The following TMEM232 variants were observed in gnomAD, a reference collection of about 807,000 sequenced individuals.
The protein encoded by TMEM232 is transmembrane protein 232.
TMEM232 carries 80 observed loss-of-function variants against 78.8 expected under a neutral mutation model. The observed-to-expected ratio is 1.01, with a 90% CI of 0.85 to 1.22. TMEM232 has a LOEUF of 1.22. TMEM232 is among the 50% of genes most tolerant of loss of function. The probability of loss-of-function intolerance (pLI) is 0.00; values close to 1 mark genes in which losing one functional copy is unlikely to be tolerated. For missense variants in TMEM232, 881 were observed against 742.2 expected, an observed-to-expected ratio of 1.19 and a Z score of -2.17; for synonymous variants, 297 against 254.3, an observed-to-expected ratio of 1.17 and a Z score of -1.60.
chr5:110,408,707 C>T (rs190837587), intron 2 of TMEM232, among the ~76,000 whole-genome samples: 2 of 151,254 alleles, frequency 1.3e-5, no homozygotes, highest in Admixed American at 6.6e-5. Context: ...AATAGAAGAC[C>T]CAAATAAGTA....
chr5:110,488,728 A>G (rs1764722424), intron 12 of TMEM232, among the ~76,000 whole-genome samples: 1 of 152,004 alleles, frequency 6.6e-6, no homozygotes, highest in African/African-American at 2.4e-5. Context: ...GATAAATAAA[A>G]TAGAAAATAG....
At chr5:110,682,453 G>T (rs1442369376) in intron 1 of TMEM232, among the ~76,000 whole-genome samples, 1 of 151,798 alleles carries the variant, frequency 6.6e-6, no homozygotes, top group African/African-American at 2.4e-5. Flanking sequence ...TTGCTCTAAT[G>T]TTCTTGGCTT....
At chr5:110,486,609 A>C (rs144291607) in intron 12 of TMEM232, among the ~76,000 whole-genome samples, 1,654 of 152,188 alleles carry the variant, frequency 0.011, 21 homozygotes, top group Non-Finnish European at 0.014. Flanking sequence ...TGCTTTGTCA[A>C]AGATCAGTTG....
chr5:110,610,278 G>GAAGGGAGGAA (rs1554057579), intron 8 of TMEM232, among the ~76,000 whole-genome samples: 3 of 146,086 alleles, frequency 2.1e-5, no homozygotes, highest in East Asian at 4.2e-4. Flanking sequence ...AAGGTGGGTG[G>GAAGGGAGGAA]GTGAAGGGAG....
chr5:110,424,677 A>G (rs1757049407), intron 13 of TMEM232, 146 bp downstream of exon 13: 2 of 652,756 alleles, frequency 3.1e-6, no homozygotes, highest in Admixed American at 5.9e-5. Context: ...TAACATAGTG[A>G]GATATAATTC....
At chr5:110,460,288 AGTAAGT>A (rs1025674507) in intron 12 of TMEM232, among the ~76,000 whole-genome samples, 3 of 147,548 alleles carry the variant, frequency 2.0e-5, no homozygotes, top group African/African-American at 8.0e-5. Flanking sequence ...AAAATGTATA[AGTAAGT>A]GTGTGTGTGT....
intron 12 of TMEM232, among the ~76,000 whole-genome samples, chr5:110,512,430 A>G (rs762222937): frequency 6.6e-6 from 1 of 152,144 alleles, no homozygotes; most frequent in South Asian, 2.1e-4. Flanking sequence ...ATTTTTCTTT[A>G]TATTCCCAGA....
chr5:110,541,533 C>T (rs971153540), intron 11 of TMEM232, among the ~76,000 whole-genome samples: 1 of 151,980 alleles, frequency 6.6e-6, no homozygotes, highest in African/African-American at 2.4e-5. Context: ...CCTTTATCTC[C>T]CAAATGACTC....
At chr5:110,713,390 A>T (rs1358720695) in intron 1 of TMEM232, among the ~76,000 whole-genome samples, 1 of 152,166 alleles carries the variant, frequency 6.6e-6, no homozygotes, top group Non-Finnish European at 1.5e-5. Context: ...ATTTAAAAAT[A>T]ACTAAAGGAG....
At chr5:110,620,828 T>C (rs1783638067) in intron 7 of TMEM232, among the ~76,000 whole-genome samples, 1 of 150,986 alleles carries the variant, frequency 6.6e-6, no homozygotes, top group Non-Finnish European at 1.5e-5. Flanking sequence ...GCTTATTAGT[T>C]AGTCTCAGGA....
chr5:110,540,431 C>T (rs1038796888), intron 11 of TMEM232, among the ~76,000 whole-genome samples: 1 of 152,196 alleles, frequency 6.6e-6, no homozygotes, highest in Non-Finnish European at 1.5e-5. Flanking sequence ...CCATGCCACA[C>T]TCTTAGAAAA....
chr5:110,422,722 G>A (rs1756803293), intron 13 of TMEM232, among the ~76,000 whole-genome samples: 1 of 151,868 alleles, frequency 6.6e-6, no homozygotes, highest in Non-Finnish European at 1.5e-5. Flanking sequence ...CTTAGAATTT[G>A]GAATGGCTGA....
intron 1 of TMEM232, among the ~76,000 whole-genome samples, chr5:110,716,503 G>T (rs1388118652): frequency 6.6e-6 from 1 of 152,106 alleles, no homozygotes; most frequent in East Asian, 1.9e-4. Context: ...TTCTCATAAG[G>T]AGCTCACAAC....
chr5:110,404,843 G>A (rs1190458562), intron 2 of TMEM232, among the ~76,000 whole-genome samples: 3 of 151,972 alleles, frequency 2.0e-5, no homozygotes, highest in Non-Finnish European at 2.9e-5. Context: ...AGTGGGTGGA[G>A]GTGTAGGCCT....
At chr5:110,458,577 G>C (rs1761147869) in intron 12 of TMEM232, among the ~76,000 whole-genome samples, 1 of 152,080 alleles carries the variant, frequency 6.6e-6, no homozygotes, top group African/African-American at 2.4e-5. Context: ...CTATAATCTA[G>C]GGTGCATTTA....
chr5:110,520,014 G>A (rs950791878), intron 12 of TMEM232, among the ~76,000 whole-genome samples: 7 of 149,002 alleles, frequency 4.7e-5, no homozygotes, highest in Non-Finnish European at 7.4e-5. Flanking sequence ...AAGAGAAGAG[G>A]GTTAATGGTT....
At chr5:110,624,990 T>C (rs1274773740) in intron 7 of TMEM232, among the ~76,000 whole-genome samples, 1 of 152,078 alleles carries the variant, frequency 6.6e-6, no homozygotes, top group Non-Finnish European at 1.5e-5. Flanking sequence ...CTGGTCTTTT[T>C]TGGAAAATAT....
chr5:110,411,823 C>T (rs541624441), intron 2 of TMEM232, among the ~76,000 whole-genome samples: 2 of 152,072 alleles, frequency 1.3e-5, no homozygotes, highest in Non-Finnish European at 2.9e-5. Flanking sequence ...ATTTGTTTGT[C>T]TATTCATCCA....
chr5:110,627,218 TAG>T (rs1344187896), intron 6 of TMEM232, among the ~76,000 whole-genome samples: 1 of 152,064 alleles, frequency 6.6e-6, no homozygotes, highest in Non-Finnish European at 1.5e-5. Flanking sequence ...ACATATAGCT[TAG>T]ATTCAGTGGA....
Sources: gnomAD v4.1 joint callset for allele counts (sites outside exome capture counted in the v4.1 genomes callset) on GRCh38, gnomAD v4.1.1 for gene constraint, MANE v1.5 for transcripts, NCBI Gene and HGNC (gene_info 2026-07-23, HGNC 2026-07-21) for gene names.